The following TOP3B variants were observed in gnomAD, a reference collection of about 807,000 sequenced individuals.
The protein encoded by TOP3B is DNA topoisomerase 3-beta-1.
A neutral mutation model predicts 93.9 loss-of-function variants in TOP3B; 45 were observed. That is an observed-to-expected ratio of 0.48 (90% CI 0.38 to 0.61). The LOEUF (loss-of-function observed/expected upper bound fraction) is 0.61, where lower values mean the gene tolerates loss of function less well. TOP3B is among the 20% of genes least tolerant of loss of function. The probability of loss-of-function intolerance (pLI) is 0.00; values close to 1 mark genes in which losing one functional copy is unlikely to be tolerated. For synonymous variants in TOP3B, 357 were observed against 472.6 expected, an observed-to-expected ratio of 0.76 and a Z score of 3.17; for missense variants, 750 against 1,156.1, an observed-to-expected ratio of 0.65 and a Z score of 5.09.
rs185561405 is a variant in TOP3B, at chr22:21,958,048, C to T, written c.2107+444G>A. On this transcript the variant is annotated intron_variant, in intron 17 of 17. Transcript: ENST00000357179. Reference sequence around the variant, plus strand: ...AGCACACGGTGAATGTGGGCAGATGCCTCACTCCCGCTGATTCCTGGTCTG... The same window carrying T: ...AGCACACGGTGAATGTGGGCAGATGTCTCACTCCCGCTGATTCCTGGTCTG... The T allele has an allele frequency of 8.2e-4, 1,068 of 1,302,058 alleles. 3 individuals are homozygous for T. The highest frequency in any genetic ancestry group is 1.5e-3 in the South Asian group (119 of 78,208). The allele number at this position is 1,302,058 out of a possible 1,614,324, so 80.7% of individuals were successfully genotyped here. A position where few individuals can be genotyped will look rare whatever the true frequency, so the allele number is the denominator to read the frequency against.
chr22:21,972,128 G>T (rs1011598184), intron 4 of TOP3B, 177 bp from the exon 5 acceptor site: 14 of 562,086 alleles, frequency 2.5e-5, no homozygotes, highest in Non-Finnish European at 4.4e-5. Flanking sequence ...CAACAGAAAA[G>T]AATTGAGTTT....
rs755766636 is a variant in TOP3B at position 21,962,523 on chromosome 22, A to G, written c.1431T>C (p.Pro477=). Residue 477 remains proline (P), a synonymous_variant, in exon 13 of 18, where the codon CCT becomes CCC. Transcript: ENST00000357179. ...LPTCQRGDAF[P]VGEVKMLEKQ... is the part of the protein sequence containing the mutation. Reference sequence around the variant, plus strand: ...TCTCCAGCATCTTCACCTCGCCCACAGGGAAGGCATCACCCCGCTGGCAAG... The same window carrying G: ...TCTCCAGCATCTTCACCTCGCCCACGGGGAAGGCATCACCCCGCTGGCAAG... 1.9e-6 allele frequency: 3 copies of G among 1,613,708 alleles called. No individual in the cohort carries two copies. The South Asian group carries it at 3.3e-5, about 18-fold the overall frequency.
chr22:21,975,953 T>C (rs572446544), intron 1 of TOP3B, 146 bp from the exon 2 acceptor site: 26 of 427,850 alleles, frequency 6.1e-5, no homozygotes, highest in African/African-American at 4.3e-4. Flanking sequence ...CTTGAAGACA[T>C]CTGAGATTAA....
At position 21,963,763 on chromosome 22, in the gene TOP3B, T is replaced by C. The variant is rs1042920240; in HGVS notation, c.1204+160A>G. ...CCTCTTCACTCCTGTCCTGGTCCCA[T>C]AGCAATGGAGCTCATCTTCCAGGTG... On this transcript the variant is annotated intron_variant, in intron 11 of 17. Transcript: ENST00000357179. This position sits in a 1 kb window ranked among gnomAD's most constrained non-coding sequence, Gnocchi z 4.8. The C allele has an allele frequency of 1.6e-4, 114 of 690,998 alleles. No individual in the cohort carries two copies. Among genetic ancestry groups the C allele is most frequent in the Non-Finnish European group, 2.4e-4 (99 of 410,294 alleles). 42.8% of individuals were successfully genotyped at this position (690,998 alleles called of 1,614,324 possible).
chr22:21,961,349 G>A (rs2071173150), intron 13 of TOP3B: 1 of 152,312 alleles, frequency 6.6e-6, no homozygotes, highest in African/African-American at 2.4e-5. Context: ...CACACTCCTG[G>A]GGGCTCAGTC....
At position 21,960,150 on chromosome 22, in the gene TOP3B, AGGTCCTGGG is replaced by A. The variant is rs1326782560; in HGVS notation, c.1654+162_1654+170del. 132 of 983,752 alleles carry A rather than the reference AGGTCCTGGG, an allele frequency of 1.3e-4. No individual in the cohort carries two copies. In the Middle Eastern group the frequency reaches 4.8e-3, roughly 36 times the overall value. 60.9% of individuals were successfully genotyped at this position (983,752 alleles called of 1,614,324 possible). On this transcript the variant is annotated intron_variant, in intron 14 of 17. Transcript: ENST00000357179. ...AACACACTGAGCTCCTGCTCTGGGCAGGTCCTGGGGGTCCTGGGGCAGCACCCCTTCAGC... is the reference window on the plus strand; with the variant it reads ...AACACACTGAGCTCCTGCTCTGGGCAGGTCCTGGGGCAGCACCCCTTCAGC...
chr22:21,962,637 G>T, intron 12 of TOP3B, 35 bp from the exon 13 acceptor site: 1 of 1,605,740 alleles, frequency 6.2e-7, no homozygotes, highest in Non-Finnish European at 8.5e-7. Flanking sequence ...AGGGTCCCCA[G>T]CCTGGGTGGC....
Position 21,960,496 on chromosome 22 carries a change from C to T in TOP3B, c.1526-47G>A, listed in dbSNP as rs149909547. The T allele has an allele frequency of 3.3e-5, 53 of 1,608,774 alleles. No individual in the cohort carries two copies. The African/African-American group carries it at 6.0e-4, about 18-fold the overall frequency. Reference sequence around the variant, plus strand: ...GGTTCCTGGCCTGCCTTGGACATGCCCCACTGAACCATGTGCTGTATCACC... The same window carrying T: ...GGTTCCTGGCCTGCCTTGGACATGCTCCACTGAACCATGTGCTGTATCACC... On this transcript the variant is annotated intron_variant, in intron 13 of 17. Transcript: ENST00000357179.
intron 6 of TOP3B, 154 bp from the exon 7 acceptor site, chr22:21,968,929 T>C (rs943856331): frequency 2.7e-6 from 2 of 745,030 alleles, no homozygotes; most frequent in Non-Finnish European, 4.5e-6. Flanking sequence ...AGAGTGGGCA[T>C]AGCCTTAGGG....
rs752061325 is a variant in TOP3B, at chr22:21,962,837, T to C, written c.1261A>G (p.Ser421Gly). The C allele has an allele frequency of 6.2e-7, 1 of 1,614,096 alleles. No homozygotes were observed. The highest frequency in any genetic ancestry group is 2.2e-5 in the East Asian group (1 of 44,882). The change falls in exon 12 of 18, where the codon AGC becomes GGC. Residue 421 changes from serine (S) to glycine (G), a missense_variant. This residue lies in a region of TOP3B where 737 missense variants were observed against 933.7 expected (regional missense o/e 0.79). Coordinates refer to ENST00000357179, the MANE Select transcript of TOP3B (RefSeq NM_001282112.2). ...YITRHFIATV[S>G]HDCKYLQSTI... ...CTCTGCAGGTACTTGCAGTCATGGC[T>C]GACCGTGGCGATGAAGTGTCTGGTG...
In TOP3B at chr22:21,981,721, C is replaced by CG. The variant is rs757609164; in HGVS notation, c.-99+1008dup. 1.6e-4 allele frequency among the ~76,000 whole-genome samples: 25 copies of CG among 152,042 alleles called. No individual in the cohort carries two copies. In the East Asian group the frequency reaches 1.7e-3, roughly 11 times the overall value. ...CTGAGGCAGGAGAATCACTTGAACC[C>CG]GGGGGCGGAGGTTGCAGTGAGCTGA... On this transcript the variant is annotated intron_variant, in intron 1 of 17. Transcript: ENST00000357179.
chr22:21,967,979 A>T, intron 7 of TOP3B: 1 of 452,712 alleles, frequency 2.2e-6, no homozygotes, highest in East Asian at 4.3e-5. Flanking sequence ...GAAGCACCTG[A>T]GCCCCTACTT....
chr22:21,967,629 T>C lies in TOP3B; in HGVS notation c.826A>G (p.Met276Val), dbSNP rs1448234576. The C allele has an allele frequency of 3.1e-6, 5 of 1,614,100 alleles. No individual in the cohort carries two copies. Among genetic ancestry groups the C allele is most frequent in the Non-Finnish European group, 2.5e-6 (3 of 1,180,024 alleles). The change falls in exon 8 of 18, where the codon ATG (methionine) becomes GTG (valine). Residue 276 changes from methionine to valine, a missense_variant. By Grantham distance (21) the Met-to-Val change is conservative. This residue lies in a region of TOP3B where 737 missense variants were observed against 933.7 expected (regional missense o/e 0.79). Coordinates refer to ENST00000357179, the MANE Select transcript of TOP3B (RefSeq NM_001282112.2). ...DREIAQMFLN[M>V]TKLEKEAQVE... ...TGGGCTTCCTTCTCCAGCTTTGTCA[T>C]GTTTAAAAACATCTGTGCGATCTCC...
chr22:21,964,220 T>C lies in TOP3B; in HGVS notation c.1039A>G (p.Asn347Asp), dbSNP rs1186661692. The C allele has an allele frequency of 3.1e-6, 5 of 1,614,146 alleles. No homozygotes were observed. Among genetic ancestry groups the C allele is most frequent in the South Asian group, 1.1e-5 (1 of 91,076 alleles). Reference protein sequence around the residue: ...PRTETTHYPENFDLKGSLRQQ... With the variant: ...PRTETTHYPEDFDLKGSLRQQ... ...CGCAGAGAGCCCTTCAGGTCAAAGT[T>C]CTCAGGGTAGTGGGTGGTCTCTGTC... Residue 347 changes from asparagine to aspartate, a missense_variant, in exon 10 of 18, where the codon AAC (asparagine) becomes GAC (aspartate). Asn to Asp is a conservative substitution (Grantham distance 23, BLOSUM62 1). Around this residue, in one of 4 missense-constraint regions of TOP3B, gnomAD observed 737 missense variants for 933.7 expected, o/e 0.79. Coordinates refer to ENST00000357179, the MANE Select transcript of TOP3B (RefSeq NM_001282112.2).
chr22:21,972,602 C>T lies in TOP3B; in HGVS notation c.309+10G>A. Reference sequence around the variant, plus strand: ...CCCGGTGTGCTCATGCCCAGGCCAGCCCCACGCACCTGCAGGAACTTCACC... The same window carrying T: ...CCCGGTGTGCTCATGCCCAGGCCAGTCCCACGCACCTGCAGGAACTTCACC... On this transcript the variant is annotated intron_variant, in intron 4 of 17. Coordinates refer to ENST00000357179, the MANE Select transcript of TOP3B (RefSeq NM_001282112.2). 1 of 1,598,416 alleles carries T rather than the reference C, an allele frequency of 6.3e-7. No individual in the cohort carries two copies. The highest frequency in any genetic ancestry group is 8.5e-7 in the Non-Finnish European group (1 of 1,172,170).
In TOP3B at chr22:21,971,159, G is replaced by T; in HGVS notation, c.384+718C>A. 1 of 769,496 alleles carries T rather than the reference G, an allele frequency of 1.3e-6. No individual in the cohort carries two copies. The highest frequency in any genetic ancestry group is 1.9e-6 in the Non-Finnish European group (1 of 525,506). The allele number at this position is 769,496 out of a possible 1,614,324, so 47.7% of individuals were successfully genotyped here. A position where few individuals can be genotyped will look rare whatever the true frequency, so the allele number is the denominator to read the frequency against. Reference sequence around the variant, plus strand: ...CCCTGCAGGGGAGGAGAGGGTATCTGGGAAGAGACAGAGTGTGATCGCATT... The same window carrying T: ...CCCTGCAGGGGAGGAGAGGGTATCTTGGAAGAGACAGAGTGTGATCGCATT... On this transcript the variant is annotated intron_variant, in intron 5 of 17. Coordinates refer to ENST00000357179, the MANE Select transcript of TOP3B (RefSeq NM_001282112.2). The surrounding 1 kb of genome is among the most constrained non-coding windows in gnomAD (Gnocchi z 4.6).
chr22:21,980,847 T>C (rs2084615327), intron 1 of TOP3B, among the ~76,000 whole-genome samples: 1 of 152,206 alleles, frequency 6.6e-6, no homozygotes, highest in South Asian at 2.1e-4. Context: ...CCCACAATTG[T>C]CAGGTTCATT....
At chr22:21,962,408 G>T in intron 13 of TOP3B, 21 bp downstream of exon 13, 3 of 1,612,824 alleles carry the variant, frequency 1.9e-6, no homozygotes, top group Non-Finnish European at 2.5e-6. Flanking sequence ...CCGGCTCTGG[G>T]GCCTGGGCAG....
intron 2 of TOP3B, chr22:21,975,022 A>C (rs1436962086): frequency 6.5e-6 from 1 of 153,010 alleles, no homozygotes; most frequent in Non-Finnish European, 1.5e-5. Context: ...CAACTGCTGG[A>C]CCAAGGGGAG....
Sources: gnomAD v4.1 joint callset for allele counts (sites outside exome capture counted in the v4.1 genomes callset) on GRCh38, gnomAD v4.1.1 for gene constraint, gnomAD v4.1.1 regional missense constraint, Gnocchi (gnomAD v3.1) non-coding constraint, MANE v1.5 for transcripts, NCBI Gene and HGNC (gene_info 2026-07-23, HGNC 2026-07-21) for gene names.